The following DLGAP1 variants were observed in gnomAD, a reference collection of about 807,000 sequenced individuals.
DLGAP1 encodes DLG associated protein 1.
In DLGAP1, 11 loss-of-function variants were observed where a neutral mutation model predicts 90.8. That is an observed-to-expected ratio of 0.12 (90% CI 0.08 to 0.20). DLGAP1 has a LOEUF of 0.20. DLGAP1 is among the 10% of genes least tolerant of loss of function. DLGAP1 has a pLI of 1.00. For synonymous variants in DLGAP1, 558 were observed against 540.7 expected (o/e 1.03, Z -0.44); for missense variants, 1,050 against 1,333.8 (o/e 0.79, Z 3.31).
intron 1 of DLGAP1, among the ~76,000 whole-genome samples, chr18:4,380,987 C>A (rs2082103473): frequency 6.6e-6 from 1 of 152,148 alleles, no homozygotes; most frequent in South Asian, 2.1e-4. Context: ...ATTCGAGGAG[C>A]TTTAGCTGAC....
At chr18:3,668,667 G>T (rs1228399005) in intron 7 of DLGAP1, among the ~76,000 whole-genome samples, 1 of 152,120 alleles carries the variant, frequency 6.6e-6, no homozygotes, top group African/African-American at 2.4e-5. Context: ...ATCCTCAGTC[G>T]AAGCAGTGGT....
At chr18:3,777,834 G>T (rs9965544) in intron 5 of DLGAP1, among the ~76,000 whole-genome samples, 8,275 of 152,238 alleles carry the variant, frequency 0.054, 732 homozygotes, top group African/African-American at 0.18. Flanking sequence ...TGACCCCTCA[G>T]ATATTAAGAG....
rs2061589492 is a variant in DLGAP1 at position 3,711,305 on chromosome 18, C to G, written c.1591+17830G>C. Reference sequence around the variant, plus strand: ...TAATGACTCCAGTGATCAATGCTTTCATCATGCAAGTGAATCAGATCATAT... The same window carrying G: ...TAATGACTCCAGTGATCAATGCTTTGATCATGCAAGTGAATCAGATCATAT... On this transcript the variant is annotated intron_variant, in intron 7 of 12. Transcript: ENST00000315677. This position sits in a 1 kb window ranked among gnomAD's most constrained non-coding sequence, Gnocchi z 4.0. 6.6e-6 allele frequency among the ~76,000 whole-genome samples: 1 copy of G among 152,220 alleles called. No homozygotes were observed. The highest frequency in any genetic ancestry group is 2.4e-5 in the African/African-American group (1 of 41,448).
chr18:4,300,858 T>C lies in DLGAP1; in HGVS notation c.-266-149571A>G, dbSNP rs537411687. Among the ~76,000 whole-genome samples the C allele has an allele frequency of 8.5e-5, 13 of 152,322 alleles. No homozygotes were observed. The South Asian group carries it at 2.7e-3, about 32-fold the overall frequency. On this transcript the variant is annotated intron_variant, in intron 1 of 12. Transcript: ENST00000315677. ...TCTTTTAAGAAAGCTTTCTCCCCTATTTCCAATGTTAGGGTTGTTTTGTCA... is the reference window on the plus strand; with the variant it reads ...TCTTTTAAGAAAGCTTTCTCCCCTACTTCCAATGTTAGGGTTGTTTTGTCA...
chr18:4,235,851 T>G (rs1967428), intron 1 of DLGAP1, among the ~76,000 whole-genome samples: 19,986 of 147,330 alleles, frequency 0.14, 3,071 homozygotes, highest in African/African-American at 0.37. Context: ...TCAGCCTCCC[T>G]AGTAGCTGGG....
chr18:3,769,222 TACA>T (rs2064400249), intron 5 of DLGAP1, among the ~76,000 whole-genome samples: 2 of 152,120 alleles, frequency 1.3e-5, no homozygotes, highest in African/African-American at 4.8e-5. Context: ...TCATAATGAC[TACA>T]ACAAAAAATT....
At chr18:4,372,664 C>T (rs2081940032) in intron 1 of DLGAP1, among the ~76,000 whole-genome samples, 1 of 152,142 alleles carries the variant, frequency 6.6e-6, no homozygotes, top group Non-Finnish European at 1.5e-5. Context: ...CAGTGGCTCA[C>T]GCCTGTAATC....
intron 2 of DLGAP1, among the ~76,000 whole-genome samples, chr18:4,033,832 C>T (rs2074840178): frequency 2.7e-5 from 4 of 150,204 alleles, no homozygotes; most frequent in Admixed American, 6.6e-5. Flanking sequence ...CTCTGCCTCC[C>T]GGGTTCAAAT....
At chr18:4,009,520 TAGAG>T in intron 2 of DLGAP1, among the ~76,000 whole-genome samples, 1 of 152,272 alleles carries the variant, frequency 6.6e-6, no homozygotes. Flanking sequence ...ATACTGGAGA[TAGAG>T]AGGAGCAAGA....
At chr18:3,656,316 A>T (rs570949900) in intron 7 of DLGAP1, 1 of 484,404 alleles carries the variant, frequency 2.1e-6, no homozygotes, top group African/African-American at 2.0e-5. Context: ...TTCCCCCACT[A>T]AAACCATTTG....
intron 2 of DLGAP1, among the ~76,000 whole-genome samples, chr18:4,057,683 C>T (rs1467006740): frequency 6.6e-6 from 1 of 152,198 alleles, no homozygotes; most frequent in African/African-American, 2.4e-5. Flanking sequence ...CTCTCTTTCT[C>T]TCTCTGCTTT....
At chr18:3,974,942 C>G (rs1420944885) in intron 3 of DLGAP1, among the ~76,000 whole-genome samples, 1 of 151,878 alleles carries the variant, frequency 6.6e-6, no homozygotes, top group Non-Finnish European at 1.5e-5. Context: ...AAGGCAAATC[C>G]TGTATGATTC....
intron 2 of DLGAP1, among the ~76,000 whole-genome samples, chr18:4,047,965 TTTTC>T (rs1188183494): frequency 6.6e-6 from 1 of 151,950 alleles, no homozygotes; most frequent in Non-Finnish European, 1.5e-5. Context: ...CCAGCGAAGT[TTTTC>T]TTTATTTTTT....
At chr18:3,895,983 A>G (rs1265502945) in intron 3 of DLGAP1, 1 of 152,256 alleles carries the variant, frequency 6.6e-6, no homozygotes, top group Non-Finnish European at 1.5e-5. Flanking sequence ...CTCTTTCTGT[A>G]GTGAGCAACA....
At chr18:4,106,709 C>A (rs1482542840) in intron 2 of DLGAP1, among the ~76,000 whole-genome samples, 10 of 152,180 alleles carry the variant, frequency 6.6e-5, no homozygotes. Flanking sequence ...TTTGTTTCTT[C>A]AGAAAAGTTG....
At chr18:3,594,942 A>G (rs545529575) in intron 7 of DLGAP1, among the ~76,000 whole-genome samples, 3 of 152,214 alleles carry the variant, frequency 2.0e-5, no homozygotes, top group Non-Finnish European at 2.9e-5. Flanking sequence ...GCCTATTTGC[A>G]AGGATTACTT....
At chr18:3,901,619 T>A (rs1460741861) in intron 3 of DLGAP1, among the ~76,000 whole-genome samples, 1 of 152,034 alleles carries the variant, frequency 6.6e-6, no homozygotes, top group Non-Finnish European at 1.5e-5. Context: ...TGACCCACAG[T>A]CCCCTACATC....
intron 7 of DLGAP1, among the ~76,000 whole-genome samples, chr18:3,691,358 A>G (rs2060889890): frequency 6.6e-6 from 1 of 151,360 alleles, no homozygotes. Context: ...AACCTGGGAG[A>G]TGGAGGTTGC....
At chr18:3,748,309 G>C (rs751533350) in intron 5 of DLGAP1, among the ~76,000 whole-genome samples, 20 of 152,254 alleles carry the variant, frequency 1.3e-4, no homozygotes, top group Non-Finnish European at 2.1e-4. Flanking sequence ...TTGCGAAGAA[G>C]AGCGTGTACA....
Sources: gnomAD v4.1 joint callset for allele counts (sites outside exome capture counted in the v4.1 genomes callset) on GRCh38, gnomAD v4.1.1 for gene constraint, Gnocchi (gnomAD v3.1) non-coding constraint, MANE v1.5 for transcripts, NCBI Gene and HGNC (gene_info 2026-07-23, HGNC 2026-07-21) for gene names.